The following C9orf85 variants were observed in gnomAD, a reference collection of about 807,000 sequenced individuals.
The protein encoded by C9orf85 is chromosome 9 open reading frame 85, also known as uncharacterized protein C9orf85.
A neutral mutation model predicts 14.9 loss-of-function variants in C9orf85; 16 were observed. The observed-to-expected ratio is 1.08, with a 90% CI of 0.73 to 1.63. The LOEUF is 1.63. Ranked by LOEUF, C9orf85 falls within the 40% of genes most tolerant of loss-of-function variation. C9orf85 has a pLI of 0.00. For synonymous variants in C9orf85, 45 were observed against 56.8 expected (o/e 0.79, Z 0.93); for missense variants, 172 against 186.1 (o/e 0.92, Z 0.44).
At chr9:71,957,109 G>T (rs199585647) in intron 2 of C9orf85, among the ~76,000 whole-genome samples, 1 of 151,916 alleles carries the variant, frequency 6.6e-6, no homozygotes, top group East Asian at 1.9e-4. Context: ...CTACAGCACC[G>T]GCCAAGACTG....
At chr9:71,969,284 G>C (rs1055164107) in intron 2 of C9orf85, among the ~76,000 whole-genome samples, 1 of 152,074 alleles carries the variant, frequency 6.6e-6, no homozygotes, top group Non-Finnish European at 1.5e-5. Context: ...AAGTAGCTGG[G>C]ATTACACCAC....
At chr9:71,926,398 A>G (rs1827929582) in intron 1 of C9orf85, among the ~76,000 whole-genome samples, 1 of 152,194 alleles carries the variant, frequency 6.6e-6, no homozygotes, top group South Asian at 2.1e-4. Context: ...ACTGGTTACC[A>G]TATTGGATAA....
chr9:71,947,459 C>T (rs922460789), intron 2 of C9orf85, among the ~76,000 whole-genome samples: 7 of 152,088 alleles, frequency 4.6e-5, no homozygotes, highest in African/African-American at 1.4e-4. Context: ...ATTATCAATT[C>T]TTAAAACGGA....
At chr9:71,969,118 G>A (rs1822786309) in intron 2 of C9orf85, among the ~76,000 whole-genome samples, 1 of 152,122 alleles carries the variant, frequency 6.6e-6, no homozygotes, top group South Asian at 2.1e-4. Context: ...CTTGAAAATG[G>A]AGAACAAAGA....
In C9orf85 at chr9:71,955,087, C is replaced by T. The variant is rs181017531; in HGVS notation, c.209+7975C>T. ...TGTTGCTTAATAGAGTATCACTGTC[C>T]TCATTTTTCAATGAAGACAAATTAG... On this transcript the variant is annotated intron_variant, in intron 2 of 3. Coordinates refer to ENST00000334731, the MANE Select transcript of C9orf85 (RefSeq NM_182505.5). Among the ~76,000 whole-genome samples the T allele has an allele frequency of 1.3e-3, 194 of 152,072 alleles. 3 individuals are homozygous for T. Among genetic ancestry groups the T allele is most frequent in the Admixed American group, 1.8e-3 (28 of 15,262 alleles).
chr9:71,953,136 A>G (rs1886259), intron 2 of C9orf85, among the ~76,000 whole-genome samples: 148,854 of 152,206 alleles, frequency 0.98, 72,858 homozygotes, highest in East Asian at 1. Flanking sequence ...ACAGTTCACA[A>G]GACGGCCCGC....
chr9:71,963,694 C>T (rs1054911496), intron 2 of C9orf85, among the ~76,000 whole-genome samples: 3 of 152,236 alleles, frequency 2.0e-5, no homozygotes, highest in Non-Finnish European at 2.9e-5. Context: ...CCAGCGGCTG[C>T]AGAGGGTGTA....
chr9:71,936,611 C>T (rs762320384), intron 1 of C9orf85, among the ~76,000 whole-genome samples: 7 of 151,938 alleles, frequency 4.6e-5, no homozygotes, highest in South Asian at 2.1e-4. Context: ...TTATTTACTA[C>T]GAGTGACTCA....
intron 1 of C9orf85, among the ~76,000 whole-genome samples, chr9:71,920,942 C>A (rs1252161483): frequency 2.0e-5 from 3 of 152,078 alleles, no homozygotes; most frequent in African/African-American, 7.2e-5. Context: ...TAATTCAGGC[C>A]ATGATGGGAA....
At chr9:71,979,345 T>C (rs1420522781) in intron 3 of C9orf85, among the ~76,000 whole-genome samples, 3 of 152,220 alleles carry the variant, frequency 2.0e-5, no homozygotes, top group Non-Finnish European at 4.4e-5. Flanking sequence ...GTATTAAATA[T>C]GTAGAAAACA....
chr9:71,941,586 A>G (rs1821930715), intron 1 of C9orf85, among the ~76,000 whole-genome samples: 1 of 152,248 alleles, frequency 6.6e-6, no homozygotes, highest in Non-Finnish European at 1.5e-5. Flanking sequence ...GATATTCTCT[A>G]AAATGACTTG....
intron 2 of C9orf85, among the ~76,000 whole-genome samples, chr9:71,964,018 G>A (rs559448021): frequency 6.6e-6 from 1 of 152,218 alleles, no homozygotes; most frequent in East Asian, 1.9e-4. Flanking sequence ...TGGTGGGGAC[G>A]TGGAGAACCT....
chr9:71,941,738 A>T (rs1467080440), intron 1 of C9orf85: 2 of 152,192 alleles, frequency 1.3e-5, no homozygotes, highest in African/African-American at 4.8e-5. Context: ...GTCTTGGAGA[A>T]GTTGAAATTT....
intron 1 of C9orf85, among the ~76,000 whole-genome samples, chr9:71,943,687 C>T (rs1371769617): frequency 6.6e-6 from 1 of 151,828 alleles, no homozygotes. Flanking sequence ...GGATTACAGG[C>T]ATGCGCCAGC....
chr9:71,951,557 C>G (rs1461441650), intron 2 of C9orf85, among the ~76,000 whole-genome samples: 1 of 152,136 alleles, frequency 6.6e-6, no homozygotes, highest in Non-Finnish European at 1.5e-5. Context: ...TGCGGGAGGG[C>G]TGCAATGGTG....
chr9:71,919,746 TTCTC>T (rs1368193567), intron 1 of C9orf85, among the ~76,000 whole-genome samples: 1 of 152,208 alleles, frequency 6.6e-6, no homozygotes, highest in Non-Finnish European at 1.5e-5. Context: ...TTATTTTCTC[TTCTC>T]TCTTTCACAC....
chr9:71,923,976 G>A (rs184479001), intron 1 of C9orf85, among the ~76,000 whole-genome samples: 10 of 152,202 alleles, frequency 6.6e-5, no homozygotes, highest in Non-Finnish European at 1.3e-4. Flanking sequence ...TGGCTTTTGG[G>A]GACAGATACA....
At chr9:71,929,305 CTT>C (rs1828014148) in intron 1 of C9orf85, among the ~76,000 whole-genome samples, 1 of 152,142 alleles carries the variant, frequency 6.6e-6, no homozygotes, top group Non-Finnish European at 1.5e-5. Flanking sequence ...TGGTTTGTCT[CTT>C]TTAAGATCAC....
chr9:71,946,729 G>A (rs1199011023), intron 1 of C9orf85, among the ~76,000 whole-genome samples: 1 of 151,922 alleles, frequency 6.6e-6, no homozygotes, highest in Non-Finnish European at 1.5e-5. Flanking sequence ...AGGAGGTGGA[G>A]GTTGCAGTGA....
Sources: allele counts gnomAD v4.1 joint callset (sites outside exome capture counted in the v4.1 genomes callset), GRCh38; gene constraint gnomAD v4.1.1; transcripts MANE v1.5; gene names NCBI Gene and HGNC (gene_info 2026-07-23, HGNC 2026-07-21).